The following ACOT12 variants were observed in gnomAD, a reference collection of about 807,000 sequenced individuals.
ACOT12 encodes the protein acyl-CoA thioesterase 12, also known as acetyl-coenzyme A thioesterase.
ACOT12 carries 51 observed loss-of-function variants against 67.7 expected under a neutral mutation model. The ratio of observed to expected loss-of-function variants is 0.75; its 90% CI spans 0.60 to 0.95. ACOT12 has a LOEUF of 0.95. Among genes scored for constraint, ACOT12 ranks in the 40% least tolerant of loss-of-function variants. ACOT12 has a pLI of 0.00. For synonymous variants in ACOT12, 251 were observed against 244.6 expected (o/e 1.03, Z -0.24); for missense variants, 734 against 708.1 (o/e 1.04, Z -0.41).
chr5:81,309,740 A>G, the ACOT12 span, among the ~76,000 whole-genome samples: 3 of 152,344 alleles, frequency 2.0e-5, no homozygotes, highest in Non-Finnish European at 4.4e-5. Flanking sequence ...GCTTTGGCCA[A>G]CTACCAAACT....
intron 2 of ACOT12, among the ~76,000 whole-genome samples, chr5:81,376,274 A>G (rs962288179): frequency 2.6e-5 from 4 of 152,002 alleles, no homozygotes; most frequent in Non-Finnish European, 4.4e-5. Context: ...AGAAATAAAT[A>G]AGTTATTTGA....
At chr5:81,354,710 T>G (rs938546844) in intron 5 of ACOT12, among the ~76,000 whole-genome samples, 11 of 152,058 alleles carry the variant, frequency 7.2e-5, no homozygotes, top group Admixed American at 5.2e-4. Flanking sequence ...ATGTCTTTTT[T>G]TTTTTATTTT....
chr5:81,315,653 CTG>C, the ACOT12 span, among the ~76,000 whole-genome samples: 2 of 152,134 alleles, frequency 1.3e-5, no homozygotes, highest in Non-Finnish European at 2.9e-5. Flanking sequence ...GAGGAGGCCT[CTG>C]TGGAAATTTT....
chr5:81,349,227 ATAAT>A (rs747360590), intron 5 of ACOT12, among the ~76,000 whole-genome samples: 6 of 152,202 alleles, frequency 3.9e-5, no homozygotes, highest in Non-Finnish European at 5.9e-5. Flanking sequence ...TTTTAGATTT[ATAAT>A]TAATTGATGA....
At chr5:81,362,011 C>A (rs1286776579) in intron 4 of ACOT12, among the ~76,000 whole-genome samples, 1 of 152,118 alleles carries the variant, frequency 6.6e-6, no homozygotes, top group Non-Finnish European at 1.5e-5. Context: ...ATATTAGCAA[C>A]TAGGAAATAA....
At chr5:81,381,847 G>A (rs1760592296) in intron 2 of ACOT12, among the ~76,000 whole-genome samples, 1 of 152,182 alleles carries the variant, frequency 6.6e-6, no homozygotes, top group Non-Finnish European at 1.5e-5. Context: ...AAGAATGTAT[G>A]AAGTCAGTAG....
intron 11 of ACOT12, among the ~76,000 whole-genome samples, chr5:81,338,496 GA>G (rs1210625672): frequency 6.6e-6 from 1 of 152,072 alleles, no homozygotes; most frequent in East Asian, 1.9e-4. Flanking sequence ...CTTCTGCCAC[GA>G]TTGTAAGTTT....
chr5:81,331,376 A>T (rs1474763717), intron 13 of ACOT12, among the ~76,000 whole-genome samples: 1 of 152,140 alleles, frequency 6.6e-6, no homozygotes, highest in Non-Finnish European at 1.5e-5. Context: ...CATCTCTACT[A>T]AAAATATAAA....
the ACOT12 span, among the ~76,000 whole-genome samples, chr5:81,316,710 C>G: frequency 6.6e-6 from 1 of 152,206 alleles, no homozygotes; most frequent in South Asian, 2.1e-4. Context: ...ACATCCTTGG[C>G]AACACTTGAT....
Position 81,345,041 on chromosome 5 carries a change from A to G in ACOT12, c.774T>C (p.Cys258=), listed in dbSNP as rs745973407. 1.2e-6 allele frequency: 2 copies of G among 1,613,848 alleles called. No homozygotes were observed. Among genetic ancestry groups the G allele is most frequent in the Admixed American group, 1.7e-5 (1 of 59,992 alleles). Reference sequence around the variant, plus strand: ...CCTCCACGCGAACTCCAACTTCAACACTGTGAAGGGTGATGCAGGGCGGTG... The same window carrying G: ...CCTCCACGCGAACTCCAACTTCAACGCTGTGAAGGGTGATGCAGGGCGGTG... ...TAIVNNTFQT[C]VEVGVRVEAF... The change falls in exon 8 of 15, where the codon TGT becomes TGC. Residue 258 remains cysteine, a splice_region_variant and synonymous_variant. Coordinates refer to ENST00000307624, the MANE Select transcript of ACOT12 (RefSeq NM_130767.3).
chr5:81,342,888 A>T, intron 10 of ACOT12, 133 bp from the exon 11 acceptor site: 4 of 926,906 alleles, frequency 4.3e-6, no homozygotes, highest in East Asian at 2.8e-5. Flanking sequence ...TTGAGTTTAG[A>T]ACTAAACTAC....
chr5:81,350,777 T>C (rs1413034013), intron 5 of ACOT12, among the ~76,000 whole-genome samples: 2 of 152,180 alleles, frequency 1.3e-5, no homozygotes, highest in Non-Finnish European at 2.9e-5. Context: ...GAATTTTTTT[T>C]CCCATTCCAC....
At chr5:81,308,908 T>C in the ACOT12 span, 8 of 1,547,406 alleles carry the variant, frequency 5.2e-6, no homozygotes, top group Admixed American at 1.5e-4. Flanking sequence ...ACTTGCCATA[T>C]GTATTGTCAA....
At chr5:81,312,852 T>C in the ACOT12 span, 2 of 418,666 alleles carry the variant, frequency 4.8e-6, no homozygotes, top group East Asian at 7.4e-5. Context: ...TTGGAGAAAA[T>C]TGAAGAAAAG....
chr5:81,365,055 C>CAG (rs1475095395), intron 3 of ACOT12, among the ~76,000 whole-genome samples: 1 of 152,128 alleles, frequency 6.6e-6, no homozygotes, highest in East Asian at 1.9e-4. Flanking sequence ...TAGATTTCCC[C>CAG]CTGTGTGAAG....
chr5:81,325,607 T>C (rs1457180991), downstream of ACOT12, among the ~76,000 whole-genome samples: 1 of 152,180 alleles, frequency 6.6e-6, no homozygotes, highest in Non-Finnish European at 1.5e-5. Context: ...ATAAAAATAC[T>C]TTTTTTCTAA....
At chr5:81,332,785 T>C (rs1758871043) in intron 12 of ACOT12, among the ~76,000 whole-genome samples, 180 bp from the exon 13 acceptor site, 1 of 152,126 alleles carries the variant, frequency 6.6e-6, no homozygotes, top group South Asian at 2.1e-4. Context: ...TCTTTGAGGG[T>C]AGGCACAGTG....
At chr5:81,325,824 A>G (rs1456897221), downstream of ACOT12, among the ~76,000 whole-genome samples, 1 of 152,084 alleles carries the variant, frequency 6.6e-6, no homozygotes, top group African/African-American at 2.4e-5. Context: ...TTTTAGAGAC[A>G]GTGTCTCACA....
intron 11 of ACOT12, among the ~76,000 whole-genome samples, chr5:81,340,243 G>T (rs1759150165): frequency 6.6e-6 from 1 of 152,182 alleles, no homozygotes; most frequent in African/African-American, 2.4e-5. Context: ...CACCATGTTG[G>T]TCAGGCTGGT....
Sources: gnomAD v4.1 joint callset for allele counts (sites outside exome capture counted in the v4.1 genomes callset) on GRCh38, gnomAD v4.1.1 for gene constraint, MANE v1.5 for transcripts, NCBI Gene and HGNC (gene_info 2026-07-23, HGNC 2026-07-21) for gene names.